ACAP2: variants seen among roughly 807,000 people sequenced by gnomAD.
ACAP2 encodes the protein arf-GAP with coiled-coil, ANK repeat and PH domain-containing protein 2.
A neutral mutation model predicts 115.8 loss-of-function variants in ACAP2; 39 were observed. The observed-to-expected ratio is 0.34, with a 90% CI of 0.26 to 0.44. ACAP2 has a LOEUF of 0.44. Ranked by LOEUF, ACAP2 falls within the 20% of genes least tolerant of loss-of-function variation. The pLI, the probability that ACAP2 is intolerant of heterozygous loss-of-function variation, is 1.00. For synonymous variants in ACAP2, 289 were observed against 315.8 expected, an observed-to-expected ratio of 0.92 and a Z score of 0.90; for missense variants, 662 against 927.6, an observed-to-expected ratio of 0.71 and a Z score of 3.72.
intron 1 of ACAP2, among the ~76,000 whole-genome samples, chr3:195,413,209 T>C (rs1193881272): frequency 6.6e-6 from 1 of 152,224 alleles, no homozygotes; most frequent in Non-Finnish European, 1.5e-5. Flanking sequence ...TTTTCTTTGG[T>C]TGAGGTACAC....
At chr3:195,324,481 C>A (rs1003894319) in intron 9 of ACAP2, among the ~76,000 whole-genome samples, 1 of 152,078 alleles carries the variant, frequency 6.6e-6, no homozygotes, top group Non-Finnish European at 1.5e-5. Context: ...AAAAGCGGCA[C>A]GGTGGCTCAC....
rs1731435586 is a variant in ACAP2 at position 195,349,876 on chromosome 3, A to G, written c.286-4559T>C. 3.0e-5 allele frequency: 9 copies of G among 297,640 alleles called. 1 individual carries two copies. The highest frequency in any genetic ancestry group is 3.0e-4 in the South Asian group (9 of 30,176). The allele number at this position is 297,640 out of a possible 1,614,324, so 18.4% of individuals were successfully genotyped here. A position where few individuals can be genotyped will look rare whatever the true frequency, so the allele number is the denominator to read the frequency against. On this transcript the variant is annotated intron_variant, in intron 4 of 22. Transcript: ENST00000326793. ...CAGGCAAAACAAAGCTGTCTGGAAC[A>G]AAGGAACAAGCAATATCTCATAGGA...
chr3:195,359,448 G>A (rs751472622), intron 4 of ACAP2, among the ~76,000 whole-genome samples: 12 of 152,158 alleles, frequency 7.9e-5, no homozygotes, highest in Non-Finnish European at 1.8e-4. Flanking sequence ...TGAGGACACA[G>A]TGTTAAAGTA....
At position 195,275,876 on chromosome 3, in the gene ACAP2, T is replaced by C. The variant is rs1726169590; in HGVS notation, c.*3452A>G. On this transcript the variant is annotated 3_prime_UTR_variant, in exon 23 of 23. Transcript: ENST00000326793. ...CTTGTTTCATTACACTCATTTTAATTGTGAGGAGCCCTGAATCCAAAAAGG... is the reference window on the plus strand; with the variant it reads ...CTTGTTTCATTACACTCATTTTAATCGTGAGGAGCCCTGAATCCAAAAAGG... 6.6e-6 allele frequency: 1 copy of C among 152,648 alleles called. No homozygotes were observed. The highest frequency in any genetic ancestry group is 2.1e-4 in the South Asian group (1 of 4,830). 9.5% of individuals were successfully genotyped at this position (152,648 alleles called of 1,614,324 possible). A position where few individuals can be genotyped will look rare whatever the true frequency, so the allele number is the denominator to read the frequency against.
intron 1 of ACAP2, among the ~76,000 whole-genome samples, chr3:195,438,081 AG>A: frequency 6.8e-6 from 1 of 146,296 alleles, no homozygotes; most frequent in Non-Finnish European, 1.5e-5. Context: ...GCTGGAGTGC[AG>A]TGGCGCAATC....
rs1005691530 is a variant in ACAP2, at chr3:195,275,485, A to C, written c.*3843T>G. 3 of 152,274 alleles carry C rather than the reference A, an allele frequency of 2.0e-5. No homozygotes were observed. The highest frequency in any genetic ancestry group is 2.0e-4 in the Admixed American group (3 of 15,288). The allele number at this position is 152,274 out of a possible 1,614,324, so 9.4% of individuals were successfully genotyped here. A position where few individuals can be genotyped will look rare whatever the true frequency, so the allele number is the denominator to read the frequency against. On this transcript the variant is annotated 3_prime_UTR_variant, in exon 23 of 23. Transcript: ENST00000326793. ...TCTTCAAATCCCAATCTAGCCCTTC[A>C]AACTTTTATCCAGGTTCTCCAGAAT...
intron 10 of ACAP2, among the ~76,000 whole-genome samples, 178 bp downstream of exon 10, chr3:195,320,523 C>T (rs1039747114): frequency 6.6e-6 from 1 of 152,056 alleles, no homozygotes; most frequent in African/African-American, 2.4e-5. Flanking sequence ...TTAGAATTAA[C>T]GATTTTATTC....
chr3:195,298,952 T>A (rs938647736), intron 15 of ACAP2, among the ~76,000 whole-genome samples: 1 of 152,140 alleles, frequency 6.6e-6, no homozygotes, highest in African/African-American at 2.4e-5. Flanking sequence ...GTTTCTACTA[T>A]CTCTCCCTGT....
At chr3:195,434,541 G>A (rs1715385946) in intron 1 of ACAP2, among the ~76,000 whole-genome samples, 1 of 152,032 alleles carries the variant, frequency 6.6e-6, no homozygotes, top group African/African-American at 2.4e-5. Context: ...CAGCTGGTCT[G>A]TAGGGTTTTT....
chr3:195,427,103 G>A (rs1041795771), intron 1 of ACAP2, among the ~76,000 whole-genome samples: 16 of 152,146 alleles, frequency 1.1e-4, no homozygotes, highest in African/African-American at 3.9e-4. Flanking sequence ...TAAAAGAGGA[G>A]GATAGAAGAG....
chr3:195,397,275 TTA>T, intron 1 of ACAP2, among the ~76,000 whole-genome samples: 1 of 152,230 alleles, frequency 6.6e-6, no homozygotes, highest in East Asian at 1.9e-4. Context: ...CTCAACAGCC[TTA>T]TGTACCTTGG....
chr3:195,375,055 G>A (rs1733431174), intron 4 of ACAP2, among the ~76,000 whole-genome samples: 1 of 151,980 alleles, frequency 6.6e-6, no homozygotes, highest in Non-Finnish European at 1.5e-5. Flanking sequence ...AGCTGGGCCT[G>A]GAAGCAGGCA....
chr3:195,391,528 A>G (rs1577403461), intron 2 of ACAP2, among the ~76,000 whole-genome samples: 1 of 151,268 alleles, frequency 6.6e-6, no homozygotes, highest in Admixed American at 6.6e-5. Flanking sequence ...ACCTGGCCCC[A>G]GAAAAAGCTT....
intron 2 of ACAP2, among the ~76,000 whole-genome samples, chr3:195,390,992 G>A (rs192936820): frequency 2.7e-3 from 412 of 152,126 alleles, no homozygotes; most frequent in African/African-American, 9.4e-3. Flanking sequence ...TAATATAGAT[G>A]GAGGGAATCA....
chr3:195,294,873 C>A (rs1727543438), intron 17 of ACAP2, 62 bp from the exon 18 acceptor site: 6 of 1,092,846 alleles, frequency 5.5e-6, no homozygotes, highest in Non-Finnish European at 8.2e-6. Context: ...CAATCTCCCA[C>A]AAACAAGGTT....
chr3:195,284,831 T>C (rs758129679), intron 22 of ACAP2, among the ~76,000 whole-genome samples: 17 of 152,176 alleles, frequency 1.1e-4, no homozygotes, highest in Non-Finnish European at 5.9e-5. Context: ...TACTAATGTG[T>C]ATATAAATTT....
chr3:195,389,046 A>T lies in ACAP2; in HGVS notation c.111+3044T>A, dbSNP rs1285704875. ...TTCTTAAAAAAAAAATTAAAAATTA[A>T]AAAAAAAAAAAAGAATTTGGAAGAG... On this transcript the variant is annotated intron_variant, in intron 2 of 22. Coordinates refer to ENST00000326793, the MANE Select transcript of ACAP2 (RefSeq NM_012287.6). Among the ~76,000 whole-genome samples the T allele has an allele frequency of 1.6e-4, 22 of 140,082 alleles. 1 individual carries two copies. Among genetic ancestry groups the T allele is most frequent in the South Asian group, 1.3e-3 (6 of 4,714 alleles). The allele number at this position is 140,082 out of a possible 152,430, so 91.9% of individuals were successfully genotyped here.
intron 4 of ACAP2, among the ~76,000 whole-genome samples, chr3:195,346,781 C>G (rs1271496930): frequency 6.6e-6 from 1 of 152,082 alleles, no homozygotes; most frequent in Middle Eastern, 3.2e-3. Context: ...TGTCTTTCAA[C>G]CAGTGAATAT....
intron 2 of ACAP2, among the ~76,000 whole-genome samples, chr3:195,384,648 A>G (rs1264257622): frequency 6.6e-6 from 1 of 151,994 alleles, no homozygotes; most frequent in African/African-American, 2.4e-5. Context: ...AATTGCCTGA[A>G]CCCGGGAAGC....
Sources: allele counts gnomAD v4.1 joint callset (sites outside exome capture counted in the v4.1 genomes callset), GRCh38; gene constraint gnomAD v4.1.1; transcripts MANE v1.5; gene names NCBI Gene and HGNC (gene_info 2026-07-23, HGNC 2026-07-21).